Variants in NRG1 observed in about 807,000 individuals in gnomAD.
The protein encoded by NRG1 is neuregulin 1.
Under a neutral mutation model 63.8 loss-of-function variants are expected in NRG1, and 18 were observed. That is an observed-to-expected ratio of 0.28 (90% CI 0.19 to 0.42). The LOEUF (loss-of-function observed/expected upper bound fraction) is 0.42, where lower values mean the gene tolerates loss of function less well. Among genes scored for constraint, NRG1 ranks in the 10% least tolerant of loss-of-function variants. The probability of loss-of-function intolerance (pLI) is 1.00; values close to 1 mark genes in which losing one functional copy is unlikely to be tolerated. For synonymous variants in NRG1, 302 were observed against 301.3 expected (o/e 1.00, Z -0.02); for missense variants, 762 against 814.7 (o/e 0.94, Z 0.79).
At chr8:31,726,408 T>A (rs1011671843) in intron 1 of NRG1, among the ~76,000 whole-genome samples, 1 of 152,188 alleles carries the variant, frequency 6.6e-6, no homozygotes, top group Admixed American at 6.6e-5. Context: ...TCTGCTCTTT[T>A]AATAGTAATA....
intron 1 of NRG1, among the ~76,000 whole-genome samples, chr8:32,526,880 C>T (rs930788198): frequency 6.6e-5 from 10 of 152,182 alleles, no homozygotes; most frequent in African/African-American, 2.2e-4. Context: ...TTTTGGAGGG[C>T]TAAATGCTAG....
chr8:32,721,970 AT>A, intron 5 of NRG1: 3 of 1,545,178 alleles, frequency 1.9e-6, no homozygotes, highest in Non-Finnish European at 2.6e-6. Context: ...ATAATTTCAG[AT>A]TTTTTAACTG....
At chr8:31,917,947 T>G (rs773166254) in intron 1 of NRG1, among the ~76,000 whole-genome samples, 25 of 152,152 alleles carry the variant, frequency 1.6e-4, no homozygotes, top group Non-Finnish European at 3.2e-4. Context: ...GATTCCTAGG[T>G]ATTTTATTTT....
At chr8:31,949,876 G>A (rs1281117431) in intron 1 of NRG1, among the ~76,000 whole-genome samples, 2 of 152,204 alleles carry the variant, frequency 1.3e-5, no homozygotes, top group Non-Finnish European at 1.5e-5. Context: ...TTTTCCTCCA[G>A]TCTTGTCCAT....
intron 1 of NRG1, among the ~76,000 whole-genome samples, chr8:31,936,635 C>T (rs79100155): frequency 9.7e-4 from 147 of 152,204 alleles, no homozygotes; most frequent in South Asian, 4.8e-3. Context: ...TTTTAATGCC[C>T]GAAAGAATAG....
intron 1 of NRG1, among the ~76,000 whole-genome samples, chr8:32,243,093 TG>T (rs1848270796): frequency 6.6e-6 from 1 of 152,102 alleles, no homozygotes; most frequent in African/African-American, 2.4e-5. Flanking sequence ...CCTCTATGCA[TG>T]TCTGTCTCTG....
At chr8:31,841,726 AT>A (rs1826219685) in intron 1 of NRG1, among the ~76,000 whole-genome samples, 1 of 152,186 alleles carries the variant, frequency 6.6e-6, no homozygotes, top group Non-Finnish European at 1.5e-5. Flanking sequence ...GAATATTTTT[AT>A]TTTACTGAGC....
intron 1 of NRG1, among the ~76,000 whole-genome samples, chr8:32,168,950 C>G (rs1232728508): frequency 2.0e-5 from 3 of 152,166 alleles, no homozygotes; most frequent in Non-Finnish European, 4.4e-5. Context: ...ATGTTTGAAG[C>G]CTCCCATCTA....
chr8:32,304,633 A>T (rs1855985410), intron 1 of NRG1, among the ~76,000 whole-genome samples: 1 of 152,208 alleles, frequency 6.6e-6, no homozygotes, highest in Admixed American at 6.5e-5. Context: ...TATTTAATAT[A>T]AATAATTGAA....
rs988324177 is a variant in NRG1, at chr8:32,270,159, A to G, written c.38-325669A>G. Reference sequence around the variant, plus strand: ...TCAGAGTAAAACAGAAACAAGTTATATCTAAATAGGAATGCCCAGTACATT... The same window carrying G: ...TCAGAGTAAAACAGAAACAAGTTATGTCTAAATAGGAATGCCCAGTACATT... On this transcript the variant is annotated intron_variant, in intron 1 of 10. Coordinates refer to the NRG1 transcript ENST00000519301. Among the ~76,000 whole-genome samples the G allele has an allele frequency of 5.3e-5, 8 of 152,344 alleles. No individual in the cohort carries two copies. The South Asian group carries it at 1.2e-3, about 24-fold the overall frequency.
At position 32,319,694 on chromosome 8, in the gene NRG1, G is replaced by A. The variant is rs145212609; in HGVS notation, c.38-276134G>A. Among the ~76,000 whole-genome samples, 75 of 151,970 alleles carry A rather than the reference G, an allele frequency of 4.9e-4. 2 individuals carry two copies. The highest frequency in any genetic ancestry group is 1.8e-3 in the African/African-American group (73 of 41,434). ...CTTTATTTAACAGGTAGAAAATTATGGAAATTATTATACCAAGAAAGGACA... is the reference window on the plus strand; with the variant it reads ...CTTTATTTAACAGGTAGAAAATTATAGAAATTATTATACCAAGAAAGGACA... On this transcript the variant is annotated intron_variant, in intron 1 of 10. Coordinates refer to the NRG1 transcript ENST00000519301.
chr8:31,713,669 T>G (rs531002117), intron 1 of NRG1, among the ~76,000 whole-genome samples: 118 of 152,006 alleles, frequency 7.8e-4, no homozygotes, highest in Non-Finnish European at 1.2e-3. Context: ...GTGCCACACA[T>G]GTTGAGAAAA....
chr8:32,732,361 G>A (rs1258041308), intron 6 of NRG1, among the ~76,000 whole-genome samples: 1 of 152,064 alleles, frequency 6.6e-6, no homozygotes, highest in African/African-American at 2.4e-5. Flanking sequence ...CTCTATTCTT[G>A]TGTATCTGTT....
intron 1 of NRG1, among the ~76,000 whole-genome samples, chr8:32,145,276 A>T (rs1563837625): frequency 6.6e-6 from 1 of 152,216 alleles, no homozygotes; most frequent in Non-Finnish European, 1.5e-5. Flanking sequence ...GAGATACCTG[A>T]ACCAGAAGCA....
At chr8:32,362,315 T>C (rs552733148) in intron 1 of NRG1, among the ~76,000 whole-genome samples, 1 of 152,228 alleles carries the variant, frequency 6.6e-6, no homozygotes, top group Non-Finnish European at 1.5e-5. Context: ...AAATACCACC[T>C]AGTAAATATT....
At chr8:32,114,456 G>A (rs1832441522) in intron 1 of NRG1, among the ~76,000 whole-genome samples, 1 of 152,066 alleles carries the variant, frequency 6.6e-6, no homozygotes, top group Non-Finnish European at 1.5e-5. Flanking sequence ...CATGAGATTG[G>A]TAAATGACAA....
intron 1 of NRG1, among the ~76,000 whole-genome samples, chr8:31,762,055 A>T (rs1312943642): frequency 6.6e-6 from 1 of 152,206 alleles, no homozygotes; most frequent in African/African-American, 2.4e-5. Flanking sequence ...ATTTTGAGTT[A>T]AAAATGTGTC....
intron 1 of NRG1, among the ~76,000 whole-genome samples, chr8:31,987,827 T>C (rs1172099250): frequency 6.6e-6 from 1 of 152,058 alleles, no homozygotes; most frequent in African/African-American, 2.4e-5. Context: ...CTTAGATAAG[T>C]AATAGTAATA....
intron 1 of NRG1, among the ~76,000 whole-genome samples, chr8:32,460,636 G>A (rs1484532639): frequency 1.3e-5 from 2 of 152,166 alleles, no homozygotes; most frequent in African/African-American, 4.8e-5. Context: ...GCCAGCCTAT[G>A]AGCACAAGTA....
Sources: gnomAD v4.1 joint callset for allele counts (sites outside exome capture counted in the v4.1 genomes callset) on GRCh38, gnomAD v4.1.1 for gene constraint, MANE v1.5 for transcripts, NCBI Gene and HGNC (gene_info 2026-07-23, HGNC 2026-07-21) for gene names.